Variants in DNM3 observed in about 807,000 individuals in gnomAD.
DNM3 encodes the protein dynamin-3.
In DNM3, 47 loss-of-function variants were observed where a neutral mutation model predicts 101.6. That is an observed-to-expected ratio of 0.46 (90% CI 0.37 to 0.59). The LOEUF (loss-of-function observed/expected upper bound fraction) is 0.59. Among genes scored for constraint, DNM3 ranks in the 20% least tolerant of loss-of-function variants. The pLI, the probability that DNM3 is intolerant of heterozygous loss-of-function variation, is 0.00. For missense variants in DNM3, 849 were observed against 1,085.7 expected, an observed-to-expected ratio of 0.78 and a Z score of 3.06; for synonymous variants, 385 against 387.9, an observed-to-expected ratio of 0.99 and a Z score of 0.09.
intron 13 of DNM3, among the ~76,000 whole-genome samples, chr1:172,095,102 GGTGA>G (rs1417750401): frequency 1.3e-5 from 2 of 152,156 alleles, no homozygotes; most frequent in Admixed American, 6.5e-5. Flanking sequence ...AATAGAATTG[GGTGA>G]GTGTTATAAT....
At chr1:172,039,041 C>T (rs748268270) in intron 7 of DNM3, among the ~76,000 whole-genome samples, 18 of 151,742 alleles carry the variant, frequency 1.2e-4, no homozygotes, top group Middle Eastern at 3.2e-3. Flanking sequence ...CCCATCTTAT[C>T]TTTGGGTTAC....
At chr1:171,933,000 T>A (rs1339904304) in intron 2 of DNM3, among the ~76,000 whole-genome samples, 1 of 152,214 alleles carries the variant, frequency 6.6e-6, no homozygotes, top group Admixed American at 6.5e-5. Context: ...CTTCTTTTTT[T>A]TTCCTGTTAA....
chr1:172,340,022 A>G (rs1010168355), intron 17 of DNM3, among the ~76,000 whole-genome samples: 6 of 152,168 alleles, frequency 3.9e-5, no homozygotes, highest in African/African-American at 1.2e-4. Flanking sequence ...TCAAGAAGCT[A>G]TGAAAGGTCA....
intron 4 of DNM3, among the ~76,000 whole-genome samples, chr1:172,023,303 T>C (rs2047972357): frequency 6.6e-6 from 1 of 152,156 alleles, no homozygotes; most frequent in African/African-American, 2.4e-5. Context: ...CTTTATTAGT[T>C]TGCTCCCTTG....
chr1:172,230,701 C>G (rs909692354), intron 14 of DNM3, among the ~76,000 whole-genome samples: 1 of 152,048 alleles, frequency 6.6e-6, no homozygotes, highest in Non-Finnish European at 1.5e-5. Context: ...TTCTCTTTGA[C>G]CCTCTTCAGC....
At chr1:171,849,204 G>A (rs2032605839) in intron 1 of DNM3, among the ~76,000 whole-genome samples, 1 of 152,172 alleles carries the variant, frequency 6.6e-6, no homozygotes, top group African/African-American at 2.4e-5. Flanking sequence ...ATTTGAAGAG[G>A]AGTCATCACA....
Position 172,066,609 on chromosome 1 carries a change from G to T in DNM3, c.1336-2210G>T, listed in dbSNP as rs115844890. Among the ~76,000 whole-genome samples, 1,047 of 152,252 alleles carry T rather than the reference G, an allele frequency of 6.9e-3. 19 individuals are homozygous for T. The highest frequency in any genetic ancestry group is 0.024 in the African/African-American group (986 of 41,536). ...CACTTGTCAATATAGCCACATTGGG[G>T]ATTGAATTTTAACATGAATTTGGAG... is the stretch of plus-strand genomic sequence containing the variant. On this transcript the variant is annotated intron_variant, in intron 10 of 20. Coordinates refer to ENST00000627582, the MANE Select transcript of DNM3 (RefSeq NM_015569.5).
At chr1:172,238,537 G>A (rs2148638879) in intron 14 of DNM3, among the ~76,000 whole-genome samples, 1 of 152,238 alleles carries the variant, frequency 6.6e-6, no homozygotes, top group East Asian at 1.9e-4. Flanking sequence ...ATGAAACAAA[G>A]CCTAGGGGAA....
At chr1:172,207,853 A>G (rs589245) in intron 14 of DNM3, among the ~76,000 whole-genome samples, 75,938 of 151,922 alleles carry the variant, frequency 0.5, 21,012 homozygotes, top group African/African-American at 0.75. Context: ...ACAAAAATAT[A>G]TCATAGTATC....
intron 13 of DNM3, among the ~76,000 whole-genome samples, chr1:172,129,785 G>C (rs994933261): frequency 4.6e-5 from 7 of 152,112 alleles, no homozygotes; most frequent in African/African-American, 1.2e-4. Flanking sequence ...ATGAGATTTG[G>C]GTGGGGACAT....
chr1:171,934,110 C>G (rs1489954984), intron 2 of DNM3, among the ~76,000 whole-genome samples: 1 of 152,130 alleles, frequency 6.6e-6, no homozygotes, highest in Non-Finnish European at 1.5e-5. Context: ...GATGAAAATG[C>G]CTTTTGTGTT....
At chr1:172,390,544 C>A (rs1373700721) in intron 20 of DNM3, among the ~76,000 whole-genome samples, 5 of 152,154 alleles carry the variant, frequency 3.3e-5, no homozygotes, top group Non-Finnish European at 7.3e-5. Context: ...GTTGCAGTCC[C>A]CAGTTGTGAC....
chr1:172,316,914 A>G (rs2065395954), intron 16 of DNM3, among the ~76,000 whole-genome samples: 1 of 152,180 alleles, frequency 6.6e-6, no homozygotes, highest in Non-Finnish European at 1.5e-5. Flanking sequence ...AGAACTCTCC[A>G]CCCCAAATCA....
At chr1:172,041,569 A>G (rs1476216815) in intron 7 of DNM3, among the ~76,000 whole-genome samples, 1 of 152,088 alleles carries the variant, frequency 6.6e-6, no homozygotes, top group Admixed American at 6.6e-5. Context: ...CAACCTTGAG[A>G]TCACCTAGGG....
chr1:172,411,798 G>A lies in DNM3; in HGVS notation c.*3957G>A. 3.0e-6 allele frequency: 3 copies of A among 985,638 alleles called. No individual in the cohort carries two copies. The highest frequency in any genetic ancestry group is 3.6e-6 in the Non-Finnish European group (3 of 829,816). The allele number at this position is 985,638 out of a possible 1,614,324, so 61.1% of individuals were successfully genotyped here. ...GTATGAGACTTAAGCCATGAGTTTT[G>A]TATCATTTCAATTAGAAGACTACTA... On this transcript the variant is annotated 3_prime_UTR_variant, in exon 21 of 21. Transcript: ENST00000627582.
At chr1:172,247,859 A>G (rs1194865810) in intron 14 of DNM3, among the ~76,000 whole-genome samples, 1 of 151,740 alleles carries the variant, frequency 6.6e-6, no homozygotes, top group Non-Finnish European at 1.5e-5. Context: ...TAATTTTTGT[A>G]TTTTTAGTAG....
intron 4 of DNM3, among the ~76,000 whole-genome samples, chr1:172,017,309 T>C (rs2047512778): frequency 1.3e-5 from 2 of 152,154 alleles, no homozygotes; most frequent in South Asian, 4.1e-4. Flanking sequence ...TAATTTTAGA[T>C]GTTTCTTTTT....
intron 1 of DNM3, among the ~76,000 whole-genome samples, chr1:171,907,726 A>T (rs1297665135): frequency 6.6e-6 from 1 of 152,154 alleles, no homozygotes; most frequent in Admixed American, 6.5e-5. Flanking sequence ...AGTCGTTACT[A>T]AACTCTCACT....
At chr1:172,129,144 G>T (rs1431400409) in intron 13 of DNM3, among the ~76,000 whole-genome samples, 1 of 152,136 alleles carries the variant, frequency 6.6e-6, no homozygotes, top group African/African-American at 2.4e-5. Context: ...CATGCTACTT[G>T]TAAGCCCTGG....
Sources: gnomAD v4.1 joint callset for allele counts (sites outside exome capture counted in the v4.1 genomes callset) on GRCh38, gnomAD v4.1.1 for gene constraint, MANE v1.5 for transcripts, NCBI Gene and HGNC (gene_info 2026-07-23, HGNC 2026-07-21) for gene names.